MAP2K6: variants seen among roughly 807,000 people sequenced by gnomAD.
MAP2K6 encodes dual specificity mitogen-activated protein kinase kinase 6.
MAP2K6 carries 16 observed loss-of-function variants against 53.7 expected under a neutral mutation model. The observed-to-expected ratio is 0.30, with a 90% CI of 0.20 to 0.45. The LOEUF is 0.45. Among genes scored for constraint, MAP2K6 ranks in the 20% least tolerant of loss-of-function variants. The pLI, the probability that MAP2K6 is intolerant of heterozygous loss-of-function variation, is 1.00. For missense variants in MAP2K6, 204 were observed against 411.9 expected, an observed-to-expected ratio of 0.50 and a Z score of 4.37; for synonymous variants, 132 against 143.1, an observed-to-expected ratio of 0.92 and a Z score of 0.55.
intron 1 of MAP2K6, among the ~76,000 whole-genome samples, chr17:69,452,293 G>A (rs1433594449): frequency 6.6e-6 from 1 of 151,822 alleles, no homozygotes. Context: ...AGCTCAAAAT[G>A]TCAGTAGTAC....
intron 1 of MAP2K6, among the ~76,000 whole-genome samples, chr17:69,420,035 A>G (rs1445129504): frequency 1.3e-5 from 2 of 152,176 alleles, no homozygotes; most frequent in Non-Finnish European, 2.9e-5. Context: ...TATCTAAACA[A>G]TTTAATTCCT....
intron 1 of MAP2K6, chr17:69,434,273 T>C (rs1906567342): frequency 6.6e-6 from 1 of 152,250 alleles, no homozygotes; most frequent in Non-Finnish European, 1.5e-5. Flanking sequence ...CAACTTGCAC[T>C]TGCCTCTGTT....
intron 2 of MAP2K6, among the ~76,000 whole-genome samples, chr17:69,512,265 A>T (rs1301057355): frequency 2.0e-5 from 3 of 149,840 alleles, no homozygotes; most frequent in Non-Finnish European, 3.0e-5. Context: ...CCTTTACAGC[A>T]TACTGTGCAT....
intron 1 of MAP2K6, among the ~76,000 whole-genome samples, chr17:69,480,749 CA>C (rs1341914307): frequency 6.6e-6 from 1 of 151,914 alleles, no homozygotes; most frequent in African/African-American, 2.4e-5. Context: ...CATCTGAAAA[CA>C]ACCTGAATTT....
chr17:69,544,018 T>C lies in MAP2K6; in HGVS notation c.*2265T>C, dbSNP rs1174434355. The C allele has an allele frequency of 1.3e-5, 2 of 152,212 alleles. No homozygotes were observed. Among genetic ancestry groups the C allele is most frequent in the Non-Finnish European group, 2.9e-5 (2 of 68,046 alleles). The allele number at this position is 152,212 out of a possible 1,614,324, so 9.4% of individuals were successfully genotyped here. ...CCTAGGAATTGGTGTTTTTTTGTTT[T>C]GTTTTGTTTTTTACACACCTTCATG... On this transcript the variant is annotated 3_prime_UTR_variant, in exon 12 of 12. Transcript: ENST00000590474.
chr17:69,545,303 C>T lies in MAP2K6; in HGVS notation c.*3550C>T, dbSNP rs569503095. 7.9e-5 allele frequency: 12 copies of T among 152,262 alleles called. No individual in the cohort carries two copies. The highest frequency in any genetic ancestry group is 2.9e-4 in the African/African-American group (12 of 41,546). The allele number at this position is 152,262 out of a possible 1,614,324, so 9.4% of individuals were successfully genotyped here. On this transcript the variant is annotated 3_prime_UTR_variant, in exon 12 of 12. Transcript: ENST00000590474. ...TTGTTGATAAAATATCAGGTCATCACGGATTTTGCAAGTGAAAGTCACCTA... is the reference window on the plus strand; with the variant it reads ...TTGTTGATAAAATATCAGGTCATCATGGATTTTGCAAGTGAAAGTCACCTA...
At chr17:69,470,903 C>A (rs1225281707) in intron 1 of MAP2K6, among the ~76,000 whole-genome samples, 2 of 152,144 alleles carry the variant, frequency 1.3e-5, no homozygotes, top group Non-Finnish European at 2.9e-5. Context: ...TCCCCACCTC[C>A]CAATGCACAC....
In MAP2K6 at chr17:69,548,129, A is replaced by C. The variant is rs1216847244; in HGVS notation, c.*6376A>C. On this transcript the variant is annotated 3_prime_UTR_variant, in exon 12 of 12. Coordinates refer to ENST00000590474, the MANE Select transcript of MAP2K6 (RefSeq NM_002758.4). Reference sequence around the variant, plus strand: ...AGCTCCCTGTTCTCACTGCGACAGAAGACTCAGGCCTACTCATTTTGTGCT... The same window carrying C: ...AGCTCCCTGTTCTCACTGCGACAGACGACTCAGGCCTACTCATTTTGTGCT... 1 of 152,234 alleles carries C rather than the reference A, an allele frequency of 6.6e-6. No individual in the cohort carries two copies. The highest frequency in any genetic ancestry group is 1.5e-5 in the Non-Finnish European group (1 of 68,038). 9.4% of individuals were successfully genotyped at this position (152,234 alleles called of 1,614,324 possible).
intron 1 of MAP2K6, among the ~76,000 whole-genome samples, chr17:69,438,715 G>A (rs958247422): frequency 3.3e-5 from 5 of 152,112 alleles, no homozygotes; most frequent in Non-Finnish European, 5.9e-5. Flanking sequence ...AAGTAGCTGG[G>A]ACTACAGGTG....
chr17:69,553,855 T>A lies in MAP2K6; in HGVS notation c.*12102T>A, dbSNP rs1912192555. 6.6e-6 allele frequency: 1 copy of A among 152,240 alleles called. No individual in the cohort carries two copies. The highest frequency in any genetic ancestry group is 1.5e-5 in the Non-Finnish European group (1 of 68,042). The allele number at this position is 152,240 out of a possible 1,614,324, so 9.4% of individuals were successfully genotyped here. ...AATGTACAACCAATAAAAGACATTTTAAAAAGCGTAGTGAGTCTGTACATT... is the reference window on the plus strand; with the variant it reads ...AATGTACAACCAATAAAAGACATTTAAAAAAGCGTAGTGAGTCTGTACATT... On this transcript the variant is annotated 3_prime_UTR_variant, in exon 12 of 12. Transcript: ENST00000590474.
chr17:69,530,337 A>C (rs949474751), intron 10 of MAP2K6, among the ~76,000 whole-genome samples: 17 of 152,118 alleles, frequency 1.1e-4, no homozygotes, highest in Non-Finnish European at 7.3e-5. Flanking sequence ...TTAAATAAAT[A>C]ACAAAATGCA....
chr17:69,500,678 G>T (rs189299897), intron 1 of MAP2K6, among the ~76,000 whole-genome samples: 1 of 151,518 alleles, frequency 6.6e-6, no homozygotes, highest in African/African-American at 2.4e-5. Flanking sequence ...ATCACACAAA[G>T]CCGGGAGGCG....
At chr17:69,491,730 G>GTTATTATTATTATTA (rs55714549) in intron 1 of MAP2K6, among the ~76,000 whole-genome samples, 7,200 of 143,380 alleles carry the variant, frequency 0.05, 292 homozygotes, top group African/African-American at 0.086. Context: ...GCTGGCATCT[G>GTTATTATTATTATTA]TTATTATTAT....
At chr17:69,448,278 C>T (rs1458614066) in intron 1 of MAP2K6, among the ~76,000 whole-genome samples, 3 of 141,218 alleles carry the variant, frequency 2.1e-5, no homozygotes, top group South Asian at 2.3e-4. Context: ...GTTTAGTTTT[C>T]TGAGTGCAGA....
At chr17:69,491,148 C>A (rs1202055288) in intron 1 of MAP2K6, among the ~76,000 whole-genome samples, 1 of 150,732 alleles carries the variant, frequency 6.6e-6, no homozygotes, top group African/African-American at 2.4e-5. Flanking sequence ...TCCTTCCCTC[C>A]TTCCTTCTTT....
At chr17:69,533,737 T>TTG (rs1260843386) in intron 10 of MAP2K6, among the ~76,000 whole-genome samples, 1 of 96,830 alleles carries the variant, frequency 1.0e-5, no homozygotes, top group Non-Finnish European at 2.0e-5. Context: ...GCCTGTTTGT[T>TTG]TTTTTTTTTT....
At position 69,494,516 on chromosome 17, in the gene MAP2K6, A is replaced by G. The variant is rs749276568; in HGVS notation, c.17-11264A>G. Reference sequence around the variant, plus strand: ...CTGTCTTTAAAAAAAAAAAGAAAGGAAAAAACAAAATGAATGGAGAGCCCC... The same window carrying G: ...CTGTCTTTAAAAAAAAAAAGAAAGGGAAAAACAAAATGAATGGAGAGCCCC... On this transcript the variant is annotated intron_variant, in intron 1 of 11. Coordinates refer to ENST00000590474, the MANE Select transcript of MAP2K6 (RefSeq NM_002758.4). This position sits in a 1 kb window ranked among gnomAD's most constrained non-coding sequence, Gnocchi z 4.2. 2.1e-4 allele frequency among the ~76,000 whole-genome samples: 32 copies of G among 151,600 alleles called. No individual in the cohort carries two copies. The highest frequency in any genetic ancestry group is 1.3e-4 in the Admixed American group (2 of 15,238).
chr17:69,428,858 G>GTTTTTTTTTTT (rs944503966), intron 1 of MAP2K6, among the ~76,000 whole-genome samples: 5 of 77,618 alleles, frequency 6.4e-5, no homozygotes, highest in South Asian at 3.5e-4. Context: ...TTCTGTTTTT[G>GTTTTTTTTTTT]TTTTTGTTTT....
At chr17:69,498,976 T>C (rs891869918) in intron 1 of MAP2K6, among the ~76,000 whole-genome samples, 2 of 152,116 alleles carry the variant, frequency 1.3e-5, no homozygotes. Context: ...TGGTGGAGTG[T>C]GGTATTAGAC....
Sources: allele counts gnomAD v4.1 joint callset (sites outside exome capture counted in the v4.1 genomes callset), GRCh38; gene constraint gnomAD v4.1.1; non-coding constraint Gnocchi (gnomAD v3.1); transcripts MANE v1.5; gene names NCBI Gene and HGNC (gene_info 2026-07-23, HGNC 2026-07-21).